The following PTPN1 variants were observed in gnomAD, a reference collection of about 807,000 sequenced individuals.
PTPN1 encodes the protein tyrosine-protein phosphatase non-receptor type 1.
A neutral mutation model predicts 59.9 loss-of-function variants in PTPN1; 12 were observed. The observed-to-expected ratio is 0.20, with a 90% CI of 0.13 to 0.32. PTPN1 has a LOEUF of 0.32. PTPN1 is among the 10% of genes least tolerant of loss of function. The pLI is 1.00. For synonymous variants in PTPN1, 178 were observed against 203.6 expected, an observed-to-expected ratio of 0.87 and a Z score of 1.07; for missense variants, 356 against 549.2, an observed-to-expected ratio of 0.65 and a Z score of 3.52.
chr20:50,529,755 ACTTGTT>A (rs1282887590), intron 1 of PTPN1, among the ~76,000 whole-genome samples: 1 of 152,036 alleles, frequency 6.6e-6, no homozygotes, highest in African/African-American at 2.4e-5. Flanking sequence ...TTAGTCAAAA[ACTTGTT>A]CTTGACTAGG....
At chr20:50,539,071 T>C (rs1211268834) in intron 1 of PTPN1, among the ~76,000 whole-genome samples, 1 of 150,056 alleles carries the variant, frequency 6.7e-6, no homozygotes, top group African/African-American at 2.5e-5. Context: ...GTTTCGCTCT[T>C]GTTGCCCAGG....
At chr20:50,578,309 A>G (rs2082847102) in intron 5 of PTPN1, 111 bp from the exon 6 acceptor site, 3 of 931,646 alleles carry the variant, frequency 3.2e-6, no homozygotes, top group Non-Finnish European at 4.9e-6. Context: ...TCTGAGAATG[A>G]ATGTTCCTCT....
intron 5 of PTPN1, among the ~76,000 whole-genome samples, chr20:50,576,186 G>T (rs1469157568): frequency 1.3e-5 from 2 of 152,202 alleles, no homozygotes; most frequent in African/African-American, 4.8e-5. Context: ...CAGTGTGTTG[G>T]AATGTGCTAG....
chr20:50,578,343 C>A, intron 5 of PTPN1, 77 bp from the exon 6 acceptor site: 1 of 1,262,100 alleles, frequency 7.9e-7, no homozygotes. Context: ...TGGAAGGTGA[C>A]TCTGTGTGTA....
At chr20:50,529,264 T>C (rs1227801324) in intron 1 of PTPN1, among the ~76,000 whole-genome samples, 1 of 152,190 alleles carries the variant, frequency 6.6e-6, no homozygotes, top group East Asian at 1.9e-4. Context: ...TCTCTCTCAT[T>C]CAAACTTCGT....
intron 1 of PTPN1, among the ~76,000 whole-genome samples, chr20:50,519,332 T>C (rs2082541571): frequency 6.6e-6 from 1 of 152,226 alleles, no homozygotes; most frequent in Non-Finnish European, 1.5e-5. Flanking sequence ...AAAAAGTAGA[T>C]GTAGTTTAAC....
intron 1 of PTPN1, among the ~76,000 whole-genome samples, chr20:50,517,445 G>A (rs1173743313): frequency 1.3e-5 from 2 of 152,114 alleles, no homozygotes; most frequent in African/African-American, 2.4e-5. Context: ...TTGGAGTAGA[G>A]ATGGGATTTT....
intron 8 of PTPN1, among the ~76,000 whole-genome samples, chr20:50,580,915 T>C (rs918268645): frequency 6.6e-6 from 1 of 152,148 alleles, no homozygotes; most frequent in Non-Finnish European, 1.5e-5. Context: ...GACATTGCAA[T>C]TGCAGTACAT....
intron 5 of PTPN1, among the ~76,000 whole-genome samples, chr20:50,576,421 G>A (rs2082837185): frequency 6.6e-6 from 1 of 152,166 alleles, no homozygotes; most frequent in Non-Finnish European, 1.5e-5. Flanking sequence ...GCTTTTCTCA[G>A]CCATAGCTGT....
intron 1 of PTPN1, among the ~76,000 whole-genome samples, chr20:50,527,278 A>G (rs1385116240): frequency 1.3e-5 from 2 of 152,034 alleles, no homozygotes; most frequent in Non-Finnish European, 2.9e-5. Context: ...CCCATCGTTC[A>G]TCTTCCAGTC....
chr20:50,531,353 C>T (rs1454255972), intron 1 of PTPN1, among the ~76,000 whole-genome samples: 1 of 152,078 alleles, frequency 6.6e-6, no homozygotes, highest in African/African-American at 2.4e-5. Context: ...ACCTTCAAGG[C>T]GGGGTTGTTG....
chr20:50,518,387 A>T (rs943717169), intron 1 of PTPN1, among the ~76,000 whole-genome samples: 11 of 152,248 alleles, frequency 7.2e-5, no homozygotes, highest in African/African-American at 2.4e-4. Context: ...CATTTAGCAT[A>T]ACATGGTAAA....
chr20:50,511,122 G>A (rs1268727074), intron 1 of PTPN1, among the ~76,000 whole-genome samples: 1 of 152,148 alleles, frequency 6.6e-6, no homozygotes, highest in Non-Finnish European at 1.5e-5. Flanking sequence ...TTGGATAGGA[G>A]TTGGCAAGCT....
At chr20:50,534,117 G>C (rs2082613595) in intron 1 of PTPN1, among the ~76,000 whole-genome samples, 1 of 152,094 alleles carries the variant, frequency 6.6e-6, no homozygotes, top group African/African-American at 2.4e-5. Flanking sequence ...TTAGAGACAG[G>C]GTTTCACCAT....
At chr20:50,577,944 A>G (rs959509329) in intron 5 of PTPN1, 4 of 158,382 alleles carry the variant, frequency 2.5e-5, no homozygotes, top group African/African-American at 9.6e-5. Flanking sequence ...TTTTTTCTCT[A>G]AAGTGACAAT....
intron 1 of PTPN1, among the ~76,000 whole-genome samples, chr20:50,543,558 G>T (rs1397091896): frequency 2.6e-5 from 4 of 152,162 alleles, no homozygotes; most frequent in Non-Finnish European, 5.9e-5. Flanking sequence ...CTTTCGAGCT[G>T]CTGAAATACA....
intron 1 of PTPN1, among the ~76,000 whole-genome samples, chr20:50,546,120 G>A (rs1382969070): frequency 2.0e-5 from 3 of 152,168 alleles, no homozygotes; most frequent in Non-Finnish European, 2.9e-5. Flanking sequence ...GGATGGTAGC[G>A]TTTATGAGGG....
At chr20:50,555,386 G>A (rs963782820) in intron 1 of PTPN1, among the ~76,000 whole-genome samples, 1 of 152,206 alleles carries the variant, frequency 6.6e-6, no homozygotes, top group African/African-American at 2.4e-5. Context: ...GCAGTAGCGG[G>A]GTGGGAGTGG....
intron 1 of PTPN1, among the ~76,000 whole-genome samples, chr20:50,547,319 G>C (rs1464367763): frequency 6.6e-6 from 1 of 151,728 alleles, no homozygotes; most frequent in Non-Finnish European, 1.5e-5. Context: ...AATGAAGTTG[G>C]TGTGCTGTTT....
Sources: allele counts gnomAD v4.1 joint callset (sites outside exome capture counted in the v4.1 genomes callset), GRCh38; gene constraint gnomAD v4.1.1; transcripts MANE v1.5; gene names NCBI Gene and HGNC (gene_info 2026-07-23, HGNC 2026-07-21).